The following PDLIM5 variants were observed in gnomAD, a reference collection of about 807,000 sequenced individuals.
PDLIM5 encodes the protein PDZ and LIM domain protein 5.
In PDLIM5, 34 loss-of-function variants were observed where a neutral mutation model predicts 64.2. The observed-to-expected ratio is 0.53, with a 90% CI of 0.40 to 0.71. The LOEUF (loss-of-function observed/expected upper bound fraction) is 0.71, where lower values mean the gene tolerates loss of function less well. Ranked by LOEUF, PDLIM5 falls within the 30% of genes least tolerant of loss-of-function variation. The probability of loss-of-function intolerance (pLI) is 0.00; values close to 1 mark genes in which losing one functional copy is unlikely to be tolerated. For synonymous variants in PDLIM5, 253 were observed against 269.1 expected (o/e 0.94, Z 0.59); for missense variants, 683 against 733.6 (o/e 0.93, Z 0.80).
At chr4:94,646,725 G>A (rs758497864) in intron 9 of PDLIM5, among the ~76,000 whole-genome samples, 77 of 152,216 alleles carry the variant, frequency 5.1e-4, no homozygotes, top group Admixed American at 9.1e-4. Flanking sequence ...TGAATATTTT[G>A]TACAACAAAT....
At chr4:94,546,137 A>G (rs1178962859) in intron 3 of PDLIM5, among the ~76,000 whole-genome samples, 1 of 152,316 alleles carries the variant, frequency 6.6e-6, no homozygotes, top group Middle Eastern at 3.4e-3. Context: ...TTGACCATTT[A>G]TGATGCTTGC....
At chr4:94,535,370 T>A (rs938104493) in intron 3 of PDLIM5, among the ~76,000 whole-genome samples, 3 of 152,204 alleles carry the variant, frequency 2.0e-5, no homozygotes, top group Admixed American at 6.5e-5. Flanking sequence ...GCTCCTGTCA[T>A]GTTACTGAAA....
chr4:94,549,069 A>C (rs541236159), intron 3 of PDLIM5, among the ~76,000 whole-genome samples: 2 of 152,030 alleles, frequency 1.3e-5, no homozygotes, highest in Non-Finnish European at 2.9e-5. Context: ...TCTGTTTCCT[A>C]TTTCCTCGGT....
chr4:94,638,032 G>A lies in PDLIM5; in HGVS notation c.1109-2244G>A, dbSNP rs144174794. Among the ~76,000 whole-genome samples the A allele has an allele frequency of 1.7e-4, 26 of 152,306 alleles. No individual in the cohort carries two copies. In the East Asian group the frequency reaches 5.0e-3, roughly 29 times the overall value. ...AGGAGGCCGAGTTCTGTGCCTGCGT[G>A]AGTGGGAGAATTCTAGCATCTAGGC... On this transcript the variant is annotated intron_variant, in intron 8 of 12. Transcript: ENST00000317968.
At chr4:94,557,450 G>C (rs1052611317) in intron 3 of PDLIM5, among the ~76,000 whole-genome samples, 3 of 152,150 alleles carry the variant, frequency 2.0e-5, no homozygotes, top group African/African-American at 7.2e-5. Flanking sequence ...AAGAAAGTCA[G>C]TGGTAGTTGG....
intron 12 of PDLIM5, among the ~76,000 whole-genome samples, chr4:94,662,830 A>T (rs1742843933): frequency 6.6e-6 from 1 of 151,966 alleles, no homozygotes; most frequent in Non-Finnish European, 1.5e-5. Flanking sequence ...ACTTAAAAAA[A>T]AAAAAACCTC....
chr4:94,519,917 T>C (rs531676120), intron 2 of PDLIM5, among the ~76,000 whole-genome samples: 5 of 152,300 alleles, frequency 3.3e-5, no homozygotes, highest in Admixed American at 2.6e-4. Flanking sequence ...AGAAGACTTC[T>C]TGTCATCCAT....
At position 94,587,058 on chromosome 4, in the gene PDLIM5, A is replaced by G. The variant is rs952136373; in HGVS notation, c.920+614A>G. ...TACGTGACTGGCACCATGAAGTTTCAGCACGTGCTCTTAACGTACAGTGAT... is the reference window on the plus strand; with the variant it reads ...TACGTGACTGGCACCATGAAGTTTCGGCACGTGCTCTTAACGTACAGTGAT... On this transcript the variant is annotated intron_variant, in intron 7 of 12. Coordinates refer to ENST00000317968, the MANE Select transcript of PDLIM5 (RefSeq NM_006457.5). 5 of 1,608,798 alleles carry G rather than the reference A, an allele frequency of 3.1e-6. No homozygotes were observed. The African/African-American group carries it at 6.8e-5, about 22-fold the overall frequency.
chr4:94,617,453 AC>A (rs1738868492), intron 7 of PDLIM5, among the ~76,000 whole-genome samples: 1 of 152,142 alleles, frequency 6.6e-6, no homozygotes, highest in Admixed American at 6.5e-5. Flanking sequence ...GCATAGCACA[AC>A]CAACGTTTGG....
At chr4:94,626,866 A>G (rs1739740192) in intron 8 of PDLIM5, among the ~76,000 whole-genome samples, 1 of 151,958 alleles carries the variant, frequency 6.6e-6, no homozygotes, top group East Asian at 1.9e-4. Context: ...AATGATGTGC[A>G]TCTCAGTTAT....
rs1368760045 is a variant in PDLIM5 at position 94,659,479 on chromosome 4, A to AGT, written c.1585+1933_1585+1934dup. Among the ~76,000 whole-genome samples, 353 of 135,792 alleles carry AGT rather than the reference A, an allele frequency of 2.6e-3. 4 individuals carry two copies. The highest frequency in any genetic ancestry group is 7.3e-3 in the East Asian group (35 of 4,812). 89.1% of individuals were successfully genotyped at this position (135,792 alleles called of 152,430 possible). A position where few individuals can be genotyped will look rare whatever the true frequency, so the allele number is the denominator to read the frequency against. On this transcript the variant is annotated intron_variant, in intron 11 of 12. Transcript: ENST00000317968. ...CAAACAGCAGGCATAGAGCAGCTGT[A>AGT]GTATATATGTGTGTATGTGTGTGTG...
intron 7 of PDLIM5, among the ~76,000 whole-genome samples, chr4:94,605,053 A>G (rs1737808351): frequency 6.6e-6 from 1 of 152,192 alleles, no homozygotes; most frequent in Admixed American, 6.5e-5. Flanking sequence ...AGGAAAATAG[A>G]AAGTAAAGAT....
intron 5 of PDLIM5, among the ~76,000 whole-genome samples, chr4:94,584,108 G>A (rs1423665863): frequency 2.0e-5 from 3 of 152,204 alleles, no homozygotes; most frequent in African/African-American, 4.8e-5. Flanking sequence ...TGTGGCCTGC[G>A]GATAGCACTA....
intron 3 of PDLIM5, among the ~76,000 whole-genome samples, chr4:94,535,559 T>A (rs1731247541): frequency 6.6e-6 from 1 of 152,136 alleles, no homozygotes; most frequent in Admixed American, 6.6e-5. Context: ...CACTTTCACC[T>A]GTAGCCACCT....
intron 3 of PDLIM5, among the ~76,000 whole-genome samples, chr4:94,548,862 A>G (rs1284188642): frequency 1.3e-5 from 2 of 151,824 alleles, no homozygotes; most frequent in Non-Finnish European, 2.9e-5. Flanking sequence ...TTCTGTCTCA[A>G]TTTCTTCCTT....
intron 2 of PDLIM5, among the ~76,000 whole-genome samples, chr4:94,503,065 G>A (rs1483734645): frequency 3.3e-5 from 5 of 152,116 alleles, no homozygotes; most frequent in Admixed American, 3.3e-4. Context: ...TTCGTAGACA[G>A]ACATTTTTGG....
chr4:94,520,476 G>T (rs542098732), intron 2 of PDLIM5, among the ~76,000 whole-genome samples: 13 of 152,296 alleles, frequency 8.5e-5, no homozygotes, highest in Non-Finnish European at 1.6e-4. Context: ...CAAAAAAAGA[G>T]CTATGCAAAT....
At chr4:94,475,407 C>T (rs1036673609) in intron 2 of PDLIM5, among the ~76,000 whole-genome samples, 1 of 152,176 alleles carries the variant, frequency 6.6e-6, no homozygotes, top group Non-Finnish European at 1.5e-5. Flanking sequence ...TAAGGTCTTA[C>T]ATTTGGTTTT....
At chr4:94,656,372 CTAACTAA>C (rs1394798745) in intron 10 of PDLIM5, among the ~76,000 whole-genome samples, 1 of 152,010 alleles carries the variant, frequency 6.6e-6, no homozygotes, top group African/African-American at 2.4e-5. Context: ...ACCTCTTTTA[CTAACTAA>C]TATCTGGCCC....
Sources: gnomAD v4.1 joint callset for allele counts (sites outside exome capture counted in the v4.1 genomes callset) on GRCh38, gnomAD v4.1.1 for gene constraint, MANE v1.5 for transcripts, NCBI Gene and HGNC (gene_info 2026-07-23, HGNC 2026-07-21) for gene names.